The following ZBTB7C variants were observed in gnomAD, a reference collection of about 807,000 sequenced individuals.
ZBTB7C encodes zinc finger and BTB domain-containing protein 7C.
Under a neutral mutation model 25.7 loss-of-function variants are expected in ZBTB7C, and 8 were observed. The ratio of observed to expected loss-of-function variants is 0.31; its 90% CI spans 0.18 to 0.56. ZBTB7C has a LOEUF of 0.56. Ranked by LOEUF, ZBTB7C falls within the 20% of genes least tolerant of loss-of-function variation. The probability of loss-of-function intolerance (pLI) is 0.91; values close to 1 mark genes in which losing one functional copy is unlikely to be tolerated. For missense variants in ZBTB7C, 824 were observed against 855.2 expected (o/e 0.96, Z 0.46); for synonymous variants, 394 against 369.0 (o/e 1.07, Z -0.78).
At chr18:48,396,693 C>A (rs775140779) in intron 1 of ZBTB7C, among the ~76,000 whole-genome samples, 8 of 152,190 alleles carry the variant, frequency 5.3e-5, no homozygotes, top group Non-Finnish European at 8.8e-5. Context: ...TACACAAGAT[C>A]TGTTAGCCTT....
intron 3 of ZBTB7C, among the ~76,000 whole-genome samples, chr18:48,133,597 C>T (rs964847132): frequency 2.2e-5 from 3 of 136,052 alleles, no homozygotes; most frequent in African/African-American, 3.3e-5. Context: ...ACATTCCCCA[C>T]GCTATTTTTT....
At chr18:48,408,650 G>A (rs1019939233) in intron 1 of ZBTB7C, 1 of 152,316 alleles carries the variant, frequency 6.6e-6, no homozygotes, top group Non-Finnish European at 1.5e-5. Flanking sequence ...ACAGCGCGAA[G>A]TGAGACTGCA....
rs1317028644 is a variant in ZBTB7C at position 48,314,401 on chromosome 18, AG to A, written c.-79+23772del. On this transcript the variant is annotated intron_variant, in intron 2 of 4. Coordinates refer to ENST00000590800, the MANE Select transcript of ZBTB7C (RefSeq NM_001318841.2). ...GCCCCTCAAGATTCTCAAGTTATAA[AG>A]GGATGATTTTGCTCCCTAGGGTACA... Among the ~76,000 whole-genome samples, 3 of 152,268 alleles carry A rather than the reference AG, an allele frequency of 2.0e-5. No homozygotes were observed. The East Asian group carries it at 5.8e-4, about 29-fold the overall frequency.
chr18:48,217,977 C>G (rs2042864428), intron 2 of ZBTB7C, among the ~76,000 whole-genome samples: 1 of 152,156 alleles, frequency 6.6e-6, no homozygotes, highest in Admixed American at 6.5e-5. Flanking sequence ...AGACAGACCA[C>G]AGCAAAGGCC....
intron 2 of ZBTB7C, among the ~76,000 whole-genome samples, chr18:48,301,946 G>C (rs1337264573): frequency 6.6e-6 from 1 of 152,156 alleles, no homozygotes; most frequent in African/African-American, 2.4e-5. Flanking sequence ...GGACATAAAG[G>C]CGAGAGTCTT....
At chr18:48,228,605 C>T (rs2043165935) in intron 2 of ZBTB7C, among the ~76,000 whole-genome samples, 1 of 152,078 alleles carries the variant, frequency 6.6e-6, no homozygotes, top group African/African-American at 2.4e-5. Context: ...GGGCAGTAGT[C>T]CTTGCCCACT....
intron 3 of ZBTB7C, among the ~76,000 whole-genome samples, chr18:48,172,821 T>C (rs1331877746): frequency 6.6e-6 from 1 of 152,164 alleles, no homozygotes; most frequent in African/African-American, 2.4e-5. Flanking sequence ...TTTTCTGTTT[T>C]CAGGGTCAGC....
At chr18:48,208,822 G>T (rs2042638356) in intron 2 of ZBTB7C, among the ~76,000 whole-genome samples, 1 of 152,108 alleles carries the variant, frequency 6.6e-6, no homozygotes, top group Non-Finnish European at 1.5e-5. Flanking sequence ...GTGATTTATT[G>T]ATATTTGTTT....
chr18:48,036,309 G>A (rs899572628), intron 4 of ZBTB7C, among the ~76,000 whole-genome samples: 4 of 152,336 alleles, frequency 2.6e-5, no homozygotes, highest in East Asian at 3.9e-4. Context: ...GGCTCTGCTG[G>A]AAGGATTCCC....
At chr18:48,404,091 A>G (rs946015290) in intron 1 of ZBTB7C, among the ~76,000 whole-genome samples, 1 of 152,198 alleles carries the variant, frequency 6.6e-6, no homozygotes, top group Non-Finnish European at 1.5e-5. Flanking sequence ...CGTCTCTACT[A>G]AAAATACAAA....
intron 2 of ZBTB7C, among the ~76,000 whole-genome samples, chr18:48,227,351 G>A (rs779837515): frequency 2.8e-4 from 42 of 152,344 alleles, no homozygotes; most frequent in African/African-American, 7.5e-4. Flanking sequence ...TTGAATTCTC[G>A]CTCCATCCTT....
intron 3 of ZBTB7C, among the ~76,000 whole-genome samples, chr18:48,184,906 A>G (rs1025443154): frequency 1.3e-5 from 2 of 152,016 alleles, no homozygotes; most frequent in South Asian, 4.1e-4. Context: ...ATTTCCTATA[A>G]TCTACTCAGT....
intron 3 of ZBTB7C, chr18:48,150,417 A>G (rs2040638645): frequency 6.6e-6 from 1 of 152,056 alleles, no homozygotes; most frequent in African/African-American, 2.4e-5. Context: ...CTCTGTCTCT[A>G]CTAAAAACAC....
chr18:48,206,014 T>C (rs779686056), intron 2 of ZBTB7C, among the ~76,000 whole-genome samples: 8 of 152,186 alleles, frequency 5.3e-5, no homozygotes, highest in Non-Finnish European at 1.0e-4. Flanking sequence ...AAGGAGACTC[T>C]AGATTCAATG....
chr18:48,304,823 G>C lies in ZBTB7C; in HGVS notation c.-79+33351C>G, dbSNP rs571710817. Reference sequence around the variant, plus strand: ...ACCACTGCACTCCATCCTGCACAATGGGAGCCAGGCTCTACCTCAAAAAAA... The same window carrying C: ...ACCACTGCACTCCATCCTGCACAATCGGAGCCAGGCTCTACCTCAAAAAAA... On this transcript the variant is annotated intron_variant, in intron 2 of 4. Transcript: ENST00000590800. 3.9e-4 allele frequency among the ~76,000 whole-genome samples: 55 copies of C among 141,462 alleles called. 1 individual carries two copies. In the South Asian group the frequency reaches 9.5e-3, roughly 25 times the overall value. 92.8% of individuals were successfully genotyped at this position (141,462 alleles called of 152,430 possible).
chr18:48,261,528 G>C (rs1308778718), intron 2 of ZBTB7C, among the ~76,000 whole-genome samples: 2 of 152,330 alleles, frequency 1.3e-5, no homozygotes, highest in East Asian at 1.9e-4. Context: ...GCTCCAGAGA[G>C]AGTTGTTCTC....
intron 2 of ZBTB7C, among the ~76,000 whole-genome samples, chr18:48,311,446 A>G (rs904021789): frequency 5.3e-5 from 8 of 152,150 alleles, no homozygotes; most frequent in African/African-American, 1.9e-4. Flanking sequence ...CTCCCAGGAG[A>G]CATTTGGCAA....
intron 3 of ZBTB7C, among the ~76,000 whole-genome samples, chr18:48,054,644 A>G (rs1446576892): frequency 6.6e-6 from 1 of 152,184 alleles, no homozygotes; most frequent in Non-Finnish European, 1.5e-5. Flanking sequence ...CTTTTCTTCT[A>G]AGCAAACGCC....
chr18:48,326,496 T>C (rs2046223522), intron 2 of ZBTB7C, among the ~76,000 whole-genome samples: 1 of 152,186 alleles, frequency 6.6e-6, no homozygotes, highest in Non-Finnish European at 1.5e-5. Context: ...TAGAATTGTT[T>C]TTAAAAGCAA....
Sources: gnomAD v4.1 joint callset for allele counts (sites outside exome capture counted in the v4.1 genomes callset) on GRCh38, gnomAD v4.1.1 for gene constraint, MANE v1.5 for transcripts, NCBI Gene and HGNC (gene_info 2026-07-23, HGNC 2026-07-21) for gene names.